The following PCSK5 variants were observed in gnomAD, a reference collection of about 807,000 sequenced individuals.
PCSK5 encodes proprotein convertase subtilisin/kexin type 5.
PCSK5 carries 129 observed loss-of-function variants against 233.2 expected under a neutral mutation model. That is an observed-to-expected ratio of 0.55 (90% CI 0.48 to 0.64). PCSK5 has a LOEUF of 0.64. PCSK5 is among the 30% of genes least tolerant of loss of function. The pLI is 0.00. For synonymous variants in PCSK5, 825 were observed against 879.2 expected (o/e 0.94, Z 1.09); for missense variants, 2,076 against 2,430.1 (o/e 0.85, Z 3.06).
chr9:76,348,955 G>A (rs1217145060), intron 35 of PCSK5, among the ~76,000 whole-genome samples: 1 of 152,048 alleles, frequency 6.6e-6, no homozygotes, highest in Non-Finnish European at 1.5e-5. Flanking sequence ...ATTGAAGTAA[G>A]ACATCTAAGC....
chr9:75,943,284 G>A (rs1824406037), intron 2 of PCSK5, among the ~76,000 whole-genome samples: 1 of 152,128 alleles, frequency 6.6e-6, no homozygotes, highest in South Asian at 2.1e-4. Context: ...ATTAAGAAGG[G>A]AATTTTGAAC....
intron 22 of PCSK5, among the ~76,000 whole-genome samples, chr9:76,238,497 G>A (rs910136246): frequency 4.6e-5 from 7 of 152,182 alleles, no homozygotes; most frequent in Non-Finnish European, 5.9e-5. Context: ...GCATGTGACC[G>A]ATAACAATTC....
intron 24 of PCSK5, among the ~76,000 whole-genome samples, chr9:76,244,461 C>A (rs1826521260): frequency 6.6e-6 from 1 of 151,848 alleles, no homozygotes. Context: ...CACCTCTGGG[C>A]CAGGTCTAGA....
chr9:75,966,269 G>A (rs946592836), intron 2 of PCSK5, among the ~76,000 whole-genome samples: 7 of 152,336 alleles, frequency 4.6e-5, no homozygotes, highest in African/African-American at 1.7e-4. Context: ...TTGACAGATT[G>A]TGTATTGGTG....
intron 2 of PCSK5, among the ~76,000 whole-genome samples, chr9:75,943,246 T>A (rs1240718031): frequency 6.6e-6 from 1 of 152,184 alleles, no homozygotes; most frequent in Non-Finnish European, 1.5e-5. Flanking sequence ...GAAAATGTAA[T>A]GATAGCATTC....
intron 24 of PCSK5, among the ~76,000 whole-genome samples, chr9:76,255,150 G>A (rs1040196671): frequency 1.3e-5 from 2 of 152,046 alleles, no homozygotes; most frequent in African/African-American, 4.8e-5. Context: ...AATTGAGTGT[G>A]GTGGTACAGA....
chr9:75,974,198 A>G (rs1403594481), intron 2 of PCSK5, among the ~76,000 whole-genome samples: 1 of 152,128 alleles, frequency 6.6e-6, no homozygotes, highest in Admixed American at 6.5e-5. Context: ...ACACACATGG[A>G]GACTGCCAGG....
chr9:76,342,510 G>A (rs1286380804), intron 35 of PCSK5, among the ~76,000 whole-genome samples: 2 of 152,300 alleles, frequency 1.3e-5, no homozygotes, highest in South Asian at 2.1e-4. Context: ...CCATCAGCAC[G>A]TTTGCTGTCT....
intron 7 of PCSK5, among the ~76,000 whole-genome samples, chr9:76,077,121 C>A (rs1255196143): frequency 2.0e-5 from 3 of 152,146 alleles, no homozygotes; most frequent in East Asian, 1.9e-4. Flanking sequence ...AATTCTGTTA[C>A]ATGTTGTCAT....
chr9:76,186,219 G>A (rs1024436940), intron 17 of PCSK5, among the ~76,000 whole-genome samples: 10 of 151,816 alleles, frequency 6.6e-5, no homozygotes, highest in Non-Finnish European at 1.3e-4. Context: ...TTTACCCTTA[G>A]AACACATCTC....
At chr9:76,105,234 A>T (rs1282306776) in intron 8 of PCSK5, among the ~76,000 whole-genome samples, 1 of 152,236 alleles carries the variant, frequency 6.6e-6, no homozygotes, top group Non-Finnish European at 1.5e-5. Flanking sequence ...ATGGTACAAT[A>T]TGGATAAACC....
intron 20 of PCSK5, among the ~76,000 whole-genome samples, chr9:76,201,855 A>G (rs1469385145): frequency 6.6e-6 from 1 of 152,208 alleles, no homozygotes; most frequent in Non-Finnish European, 1.5e-5. Context: ...CCAAGTTGAA[A>G]TGAAGAAGAA....
chr9:76,301,374 G>A (rs1017146402), intron 27 of PCSK5, among the ~76,000 whole-genome samples: 1 of 152,092 alleles, frequency 6.6e-6, no homozygotes, highest in African/African-American at 2.4e-5. Context: ...CCAGATAATG[G>A]TAAGTCGGGA....
rs1464270778 is a variant in PCSK5 at position 76,063,871 on chromosome 9, G to A, written c.633-4084G>A. Among the ~76,000 whole-genome samples, 56 of 62,062 alleles carry A rather than the reference G, an allele frequency of 9.0e-4. 17 individuals carry two copies. Among genetic ancestry groups the A allele is most frequent in the African/African-American group, 3.9e-3 (30 of 7,656 alleles). 40.7% of individuals were successfully genotyped at this position (62,062 alleles called of 152,430 possible). On this transcript the variant is annotated intron_variant, in intron 5 of 37. Coordinates refer to ENST00000674117, the MANE Select transcript of PCSK5 (RefSeq NM_001372043.1). ...ACACCTCCCAGACGGGGTGGTGGCC[G>A]GGCAGAGGGGCTCCTCACTTCCCAG...
intron 33 of PCSK5, among the ~76,000 whole-genome samples, chr9:76,331,433 C>A (rs1005667150): frequency 6.6e-6 from 1 of 151,770 alleles, no homozygotes; most frequent in African/African-American, 2.4e-5. Context: ...TTTGGGAGGC[C>A]GAGGTGGGCG....
chr9:75,933,014 C>T (rs1009688845), intron 2 of PCSK5, among the ~76,000 whole-genome samples: 4 of 152,154 alleles, frequency 2.6e-5, no homozygotes, highest in African/African-American at 4.8e-5. Context: ...AAGCTGACTC[C>T]TGCTCTTGGG....
In PCSK5 at chr9:76,134,832, A is replaced by G. The variant is rs374628337; in HGVS notation, c.1312+620A>G. ...GCTAATACAGATCATAGTTCCCAAA[A>G]TAGCTATTCTATTTGTTGTCATAGG... On this transcript the variant is annotated intron_variant, in intron 10 of 37. Coordinates refer to ENST00000674117, the MANE Select transcript of PCSK5 (RefSeq NM_001372043.1). Among the ~76,000 whole-genome samples, 17 of 152,202 alleles carry G rather than the reference A, an allele frequency of 1.1e-4. No homozygotes were observed. In the South Asian group the frequency reaches 3.1e-3, roughly 28 times the overall value.
intron 5 of PCSK5, among the ~76,000 whole-genome samples, chr9:76,030,946 G>A (rs1337215341): frequency 6.6e-6 from 1 of 152,150 alleles, no homozygotes; most frequent in Non-Finnish European, 1.5e-5. Context: ...GGAGGACACA[G>A]ACATTGTTCC....
At chr9:76,277,787 A>T (rs1827739606) in intron 24 of PCSK5, among the ~76,000 whole-genome samples, 1 of 152,138 alleles carries the variant, frequency 6.6e-6, no homozygotes, top group Non-Finnish European at 1.5e-5. Flanking sequence ...TATTTGAGGC[A>T]ATTCTAAGTG....
Sources: allele counts gnomAD v4.1 joint callset (sites outside exome capture counted in the v4.1 genomes callset), GRCh38; gene constraint gnomAD v4.1.1; transcripts MANE v1.5; gene names NCBI Gene and HGNC (gene_info 2026-07-23, HGNC 2026-07-21).